The following ANKFN1 variants were observed in gnomAD, a reference collection of about 807,000 sequenced individuals.
ANKFN1 encodes ankyrin repeat and fibronectin type-III domain-containing protein 1.
ANKFN1 carries 74 observed loss-of-function variants against 108.7 expected under a neutral mutation model. That is an observed-to-expected ratio of 0.68 (90% CI 0.56 to 0.83). The LOEUF (loss-of-function observed/expected upper bound fraction) is 0.83, where lower values mean the gene tolerates loss of function less well. Among genes scored for constraint, ANKFN1 ranks in the 40% least tolerant of loss-of-function variants. ANKFN1 has a pLI of 0.00. For missense variants in ANKFN1, 1,505 were observed against 1,382.3 expected (o/e 1.09, Z -1.41); for synonymous variants, 547 against 516.2 (o/e 1.06, Z -0.81).
chr17:56,053,585 G>T (rs2143083473), intron 4 of ANKFN1, among the ~76,000 whole-genome samples: 1 of 152,180 alleles, frequency 6.6e-6, no homozygotes, highest in Admixed American at 6.5e-5. Context: ...TCTAAGTCTT[G>T]GCTATTGTGA....
rs1467005388 is a variant in ANKFN1, at chr17:56,511,021, ACT to A, written c.3196_3197del (p.Leu1066GlyfsTer8). On this transcript the variant is annotated frameshift_variant, in exon 21 of 21. Transcript: ENST00000682825. LOFTEE classifies it low-confidence loss of function (END_TRUNC). ...TGCCCTTGATGATCCCAGGGGCCTAACTCTGGCCCACGCTGCCAGCCTTCCTG... is the reference window on the plus strand; with the variant it reads ...TGCCCTTGATGATCCCAGGGGCCTAACTGGCCCACGCTGCCAGCCTTCCTG... Reference protein sequence around the residue: ...GPALDDPRGLTLAHAASLPEE... With the variant: ...GPALDDPRGLXLAHAASLPEE... 8.5e-6 allele frequency: 13 copies of A among 1,535,806 alleles called. No homozygotes were observed. The highest frequency in any genetic ancestry group is 1.1e-5 in the Non-Finnish European group (13 of 1,146,856).
intron 8 of ANKFN1, among the ~76,000 whole-genome samples, chr17:56,421,996 A>T (rs956542047): frequency 6.6e-6 from 1 of 152,170 alleles, no homozygotes; most frequent in African/African-American, 2.4e-5. Flanking sequence ...CAGATCTACC[A>T]CTTTCACCTG....
chr17:56,265,442 C>G (rs942427633), intron 3 of ANKFN1, among the ~76,000 whole-genome samples: 2 of 152,194 alleles, frequency 1.3e-5, no homozygotes, highest in Non-Finnish European at 2.9e-5. Context: ...TCACTTCCCA[C>G]CAGGTCCCTC....
intron 10 of ANKFN1, among the ~76,000 whole-genome samples, chr17:56,447,294 C>T (rs531742919): frequency 6.6e-6 from 1 of 152,266 alleles, no homozygotes; most frequent in South Asian, 2.1e-4. Context: ...GAAATTAAGT[C>T]ATGGTTCTTG....
At chr17:56,257,310 T>TA (rs2043382901) in intron 3 of ANKFN1, among the ~76,000 whole-genome samples, 1 of 152,170 alleles carries the variant, frequency 6.6e-6, no homozygotes, top group Non-Finnish European at 1.5e-5. Flanking sequence ...CTGGAGCCCA[T>TA]AAGCATCTAT....
At chr17:56,320,139 G>T (rs2045321555) in intron 3 of ANKFN1, among the ~76,000 whole-genome samples, 1 of 152,148 alleles carries the variant, frequency 6.6e-6, no homozygotes, top group Non-Finnish European at 1.5e-5. Flanking sequence ...CCATTGCATG[G>T]CACATAGAAG....
At chr17:56,310,710 AG>A (rs907288702) in intron 3 of ANKFN1, among the ~76,000 whole-genome samples, 11 of 152,118 alleles carry the variant, frequency 7.2e-5, no homozygotes, top group African/African-American at 2.4e-4. Flanking sequence ...GATTATCACT[AG>A]CAAGCTAATT....
chr17:56,433,801 A>G (rs1384384902), intron 8 of ANKFN1, among the ~76,000 whole-genome samples: 3 of 151,162 alleles, frequency 2.0e-5, no homozygotes, highest in Non-Finnish European at 4.4e-5. Flanking sequence ...GTAACCAAAT[A>G]CCACCTGTTA....
chr17:56,278,063 G>C (rs1445140999), intron 3 of ANKFN1, among the ~76,000 whole-genome samples: 1 of 152,080 alleles, frequency 6.6e-6, no homozygotes. Context: ...AGATAAACTG[G>C]CTCTATATTA....
chr17:56,185,120 C>T (rs1364534687), intron 1 of ANKFN1: 1 of 152,134 alleles, frequency 6.6e-6, no homozygotes, highest in African/African-American at 2.4e-5. Context: ...CCTTGTACCA[C>T]CTTGAAACCC....
chr17:56,178,731 G>T (rs72831978), intron 1 of ANKFN1, among the ~76,000 whole-genome samples: 1 of 152,196 alleles, frequency 6.6e-6, no homozygotes, highest in Non-Finnish European at 1.5e-5. Flanking sequence ...GTCAAGGAAA[G>T]ATAATGCGTT....
At chr17:56,410,534 G>A (rs2048061445) in intron 8 of ANKFN1, among the ~76,000 whole-genome samples, 1 of 152,170 alleles carries the variant, frequency 6.6e-6, no homozygotes, top group African/African-American at 2.4e-5. Flanking sequence ...GTTTTGTGGT[G>A]AGGACATTAA....
chr17:56,254,729 T>C (rs1230470220), intron 3 of ANKFN1, among the ~76,000 whole-genome samples: 1 of 152,116 alleles, frequency 6.6e-6, no homozygotes, highest in Non-Finnish European at 1.5e-5. Flanking sequence ...GATGGAACTT[T>C]CACAAGACAG....
At chr17:56,412,126 G>A (rs944982587) in intron 8 of ANKFN1, among the ~76,000 whole-genome samples, 1 of 152,156 alleles carries the variant, frequency 6.6e-6, no homozygotes, top group African/African-American at 2.4e-5. Context: ...TTTCTTTGAT[G>A]AGAAACATTT....
chr17:56,278,877 G>T lies in ANKFN1; in HGVS notation c.54-47344G>T, dbSNP rs149711216. Among the ~76,000 whole-genome samples, 233 of 152,224 alleles carry T rather than the reference G, an allele frequency of 1.5e-3. 1 individual carries two copies. The highest frequency in any genetic ancestry group is 5.3e-3 in the African/African-American group (222 of 41,532). On this transcript the variant is annotated intron_variant, in intron 3 of 20. Coordinates refer to ENST00000682825, the MANE Select transcript of ANKFN1 (RefSeq NM_001370326.1). ...GAAGTGATAAAAACTGTGAAACTACGATATTTATTTTGAAAGATGTACAAC... is the reference window on the plus strand; with the variant it reads ...GAAGTGATAAAAACTGTGAAACTACTATATTTATTTTGAAAGATGTACAAC...
At chr17:56,451,058 A>G (rs2049467863) in intron 11 of ANKFN1, among the ~76,000 whole-genome samples, 1 of 152,216 alleles carries the variant, frequency 6.6e-6, no homozygotes, top group South Asian at 2.1e-4. Context: ...TACTCTGGAC[A>G]CTTAAACAGT....
chr17:56,152,882 TAA>T (rs1354068203), upstream of ANKFN1, among the ~76,000 whole-genome samples: 7 of 152,294 alleles, frequency 4.6e-5, no homozygotes, highest in South Asian at 1.4e-3. Context: ...GCAGGCCAAA[TAA>T]AAACTTGCTT....
At chr17:56,110,320 T>A (rs117167413) in intron 4 of ANKFN1, among the ~76,000 whole-genome samples, 2,030 of 152,310 alleles carry the variant, frequency 0.013, 98 homozygotes, top group Admixed American at 0.084. Flanking sequence ...TCTTACTAAT[T>A]TGTTTACTTT....
At chr17:56,271,810 C>T (rs1428744887) in intron 3 of ANKFN1, among the ~76,000 whole-genome samples, 1 of 152,206 alleles carries the variant, frequency 6.6e-6, no homozygotes, top group African/African-American at 2.4e-5. Flanking sequence ...CCAAGGCCTA[C>T]ATCCTGCCCC....
Sources: allele counts gnomAD v4.1 joint callset (sites outside exome capture counted in the v4.1 genomes callset), GRCh38; gene constraint gnomAD v4.1.1; transcripts MANE v1.5; gene names NCBI Gene and HGNC (gene_info 2026-07-23, HGNC 2026-07-21).